VKORC1L1: variants seen among roughly 807,000 people sequenced by gnomAD.
VKORC1L1 encodes the protein vitamin K epoxide reductase complex subunit 1L1.
VKORC1L1 carries 2 observed loss-of-function variants against 18.9 expected under a neutral mutation model. The ratio of observed to expected loss-of-function variants is 0.11; its 90% confidence interval spans 0.04 to 0.33. The LOEUF (loss-of-function observed/expected upper bound fraction) is 0.33. Among genes scored for constraint, VKORC1L1 ranks in the 10% least tolerant of loss-of-function variants. The probability of loss-of-function intolerance (pLI) is 1.00; values close to 1 mark genes in which losing one functional copy is unlikely to be tolerated. For synonymous variants in VKORC1L1, 96 were observed against 100.0 expected (o/e 0.96, Z 0.24); for missense variants, 123 against 224.1 (o/e 0.55, Z 2.88).
intron 1 of VKORC1L1, among the ~76,000 whole-genome samples, chr7:65,895,039 G>A (rs1391007351): frequency 6.6e-6 from 1 of 152,156 alleles, no homozygotes; most frequent in Non-Finnish European, 1.5e-5. Context: ...TAAGATGTCA[G>A]TATCTGCTGT....
At chr7:65,871,781 C>T (rs986406713), upstream of VKORC1L1, among the ~76,000 whole-genome samples, 14 of 151,960 alleles carry the variant, frequency 9.2e-5, no homozygotes, top group Non-Finnish European at 1.5e-4. Flanking sequence ...AGAGCTGCAG[C>T]CCTGGCTGAC....
chr7:65,876,902 C>T (rs562019786), intron 1 of VKORC1L1, among the ~76,000 whole-genome samples: 19 of 152,252 alleles, frequency 1.2e-4, no homozygotes, highest in African/African-American at 3.1e-4. Context: ...AAACGTTAAC[C>T]GGGCATGGTG....
At chr7:65,951,599 C>A (rs1300700135) in intron 2 of VKORC1L1, among the ~76,000 whole-genome samples, 1 of 151,320 alleles carries the variant, frequency 6.6e-6, no homozygotes, top group Middle Eastern at 3.2e-3. Flanking sequence ...TATATATATA[C>A]ATATATAAAA....
At chr7:65,943,975 A>G (rs925189695) in intron 1 of VKORC1L1, among the ~76,000 whole-genome samples, 1 of 152,212 alleles carries the variant, frequency 6.6e-6, no homozygotes, top group East Asian at 1.9e-4. Context: ...AATAAAGGTA[A>G]TCAGAAGTTT....
upstream of VKORC1L1, among the ~76,000 whole-genome samples, chr7:65,872,547 C>G (rs1007587750): frequency 6.6e-6 from 1 of 152,060 alleles, no homozygotes; most frequent in Non-Finnish European, 1.5e-5. Flanking sequence ...AGGCTGGTCT[C>G]GAACTCCTGA....
intron 1 of VKORC1L1, among the ~76,000 whole-genome samples, chr7:65,923,855 A>G (rs1278462789): frequency 6.6e-6 from 1 of 152,232 alleles, no homozygotes; most frequent in Non-Finnish European, 1.5e-5. Flanking sequence ...GGAATGAGAC[A>G]TTAGATTTTA....
rs549313461 is a variant in VKORC1L1 at position 65,949,690 on chromosome 7, G to A, written c.304+910G>A. Among the ~76,000 whole-genome samples the A allele has an allele frequency of 4.0e-5, 6 of 150,630 alleles. No homozygotes were observed. In the East Asian group the frequency reaches 9.9e-4, roughly 25 times the overall value. ...TCCCAGCTACTTGAAAGGCTGAGGT[G>A]AGAGAATCACTTGAGTCCAAGAGAT... On this transcript the variant is annotated intron_variant, in intron 2 of 2. Coordinates refer to ENST00000360768, the MANE Select transcript of VKORC1L1 (RefSeq NM_173517.6).
chr7:65,935,458 C>T (rs1278246699), intron 1 of VKORC1L1, among the ~76,000 whole-genome samples: 15 of 152,096 alleles, frequency 9.9e-5, no homozygotes, highest in African/African-American at 3.4e-4. Context: ...TACAGACGCA[C>T]GCCACCACGC....
chr7:65,867,147 A>G, the VKORC1L1 span, among the ~76,000 whole-genome samples: 12 of 152,288 alleles, frequency 7.9e-5, no homozygotes, highest in African/African-American at 2.9e-4. Context: ...AGATTGTGCC[A>G]CTGCGCTCCA....
intron 1 of VKORC1L1, among the ~76,000 whole-genome samples, chr7:65,929,668 G>A (rs1241444866): frequency 5.2e-5 from 4 of 77,044 alleles, no homozygotes; most frequent in Non-Finnish European, 7.4e-5. Flanking sequence ...GTGTGTGTGT[G>A]TATGTGTGTG....
intron 1 of VKORC1L1, among the ~76,000 whole-genome samples, chr7:65,907,801 C>T (rs999117285): frequency 5.9e-5 from 9 of 152,106 alleles, no homozygotes; most frequent in Non-Finnish European, 7.4e-5. Flanking sequence ...ACAATCAGAA[C>T]ATTTGGTTAT....
chr7:65,898,741 G>GTA (rs1789260327), intron 1 of VKORC1L1, among the ~76,000 whole-genome samples: 1 of 152,036 alleles, frequency 6.6e-6, no homozygotes, highest in South Asian at 2.1e-4. Context: ...ATTTTTAAGG[G>GTA]TACTGCTCAG....
intron 2 of VKORC1L1, among the ~76,000 whole-genome samples, chr7:65,953,856 C>T (rs1416197804): frequency 1.3e-5 from 2 of 152,312 alleles, no homozygotes; most frequent in East Asian, 3.9e-4. Context: ...TAGAGTGAGA[C>T]TCCATCTCAA....
chr7:65,917,376 G>A (rs947882451), intron 1 of VKORC1L1, among the ~76,000 whole-genome samples: 5 of 152,170 alleles, frequency 3.3e-5, no homozygotes, highest in East Asian at 1.9e-4. Context: ...TGCCTGCATA[G>A]GACAGTCAGA....
chr7:65,936,879 GA>G (rs773662342), intron 1 of VKORC1L1, among the ~76,000 whole-genome samples: 2 of 152,172 alleles, frequency 1.3e-5, no homozygotes, highest in Non-Finnish European at 2.9e-5. Context: ...GGCAGTGAAA[GA>G]AAAGAGAAGA....
chr7:65,910,515 CAT>C (rs1268749846), intron 1 of VKORC1L1, among the ~76,000 whole-genome samples: 2 of 152,174 alleles, frequency 1.3e-5, no homozygotes, highest in East Asian at 3.9e-4. Context: ...TTGTTGCCAA[CAT>C]AATTCTCATC....
intron 1 of VKORC1L1, among the ~76,000 whole-genome samples, chr7:65,923,152 G>A (rs935059391): frequency 1.3e-5 from 2 of 152,020 alleles, no homozygotes; most frequent in Admixed American, 6.6e-5. Flanking sequence ...AGGGTGCAAT[G>A]GCACTTTGGG....
chr7:65,883,300 C>T (rs778688055), intron 1 of VKORC1L1, among the ~76,000 whole-genome samples: 1 of 151,696 alleles, frequency 6.6e-6, no homozygotes, highest in Non-Finnish European at 1.5e-5. Flanking sequence ...TGCCACCATG[C>T]CTGGCTGATT....
intron 1 of VKORC1L1, 111 bp from the exon 2 acceptor site, chr7:65,948,560 A>G (rs1377388514): frequency 2.5e-6 from 1 of 404,592 alleles, no homozygotes; most frequent in African/African-American, 2.8e-5. Context: ...GACATTTAAG[A>G]CATTTCACAA....
Sources: allele counts gnomAD v4.1 joint callset (sites outside exome capture counted in the v4.1 genomes callset), GRCh38; gene constraint gnomAD v4.1.1; transcripts MANE v1.5; gene names NCBI Gene and HGNC (gene_info 2026-07-23, HGNC 2026-07-21).